Variants in KCNH8 observed in about 807,000 individuals in gnomAD.
KCNH8 encodes the protein voltage-gated delayed rectifier potassium channel KCNH8.
In KCNH8, 70 loss-of-function variants were observed where a neutral mutation model predicts 103.6. The observed-to-expected ratio is 0.68, with a 90% CI of 0.56 to 0.82. KCNH8 has a LOEUF of 0.82. Among genes scored for constraint, KCNH8 ranks in the 40% least tolerant of loss-of-function variants. The pLI is 0.00. For missense variants in KCNH8, 1,217 were observed against 1,329.9 expected, an observed-to-expected ratio of 0.92 and a Z score of 1.32; for synonymous variants, 498 against 489.4, an observed-to-expected ratio of 1.02 and a Z score of -0.23.
intron 11 of KCNH8, among the ~76,000 whole-genome samples, chr3:19,492,715 G>C (rs1218141149): frequency 6.6e-6 from 1 of 151,928 alleles, no homozygotes; most frequent in Non-Finnish European, 1.5e-5. Context: ...CTCATTTTTT[G>C]AAGAATGATA....
At chr3:19,207,466 A>G (rs1331495853) in intron 1 of KCNH8, among the ~76,000 whole-genome samples, 2 of 152,000 alleles carry the variant, frequency 1.3e-5, no homozygotes, top group Non-Finnish European at 2.9e-5. Flanking sequence ...CTCTTTTAAG[A>G]AAATAAAGTG....
At chr3:19,515,679 A>C (rs76544646) in intron 14 of KCNH8, among the ~76,000 whole-genome samples, 2,737 of 152,128 alleles carry the variant, frequency 0.018, 76 homozygotes, top group African/African-American at 0.061. Context: ...ATATGCCAGG[A>C]GACTCAAATT....
At chr3:19,331,859 G>A (rs2065515227) in intron 3 of KCNH8, among the ~76,000 whole-genome samples, 1 of 151,958 alleles carries the variant, frequency 6.6e-6, no homozygotes, top group African/African-American at 2.4e-5. Context: ...AACTATATTT[G>A]TGTACCACGG....
In KCNH8 at chr3:19,353,154, G is replaced by A. The variant is rs949517181; in HGVS notation, c.811+5189G>A. On this transcript the variant is annotated intron_variant, in intron 5 of 15. Coordinates refer to ENST00000328405, the MANE Select transcript of KCNH8 (RefSeq NM_144633.3). Reference sequence around the variant, plus strand: ...TCTAGAAGAAATGGATAAATTCCTCGACACATACACCCTCCCAAGGCTAAA... The same window carrying A: ...TCTAGAAGAAATGGATAAATTCCTCAACACATACACCCTCCCAAGGCTAAA... Among the ~76,000 whole-genome samples, 5 of 151,974 alleles carry A rather than the reference G, an allele frequency of 3.3e-5. No individual in the cohort carries two copies. In the East Asian group the frequency reaches 5.8e-4, roughly 18 times the overall value.
intron 2 of KCNH8, among the ~76,000 whole-genome samples, chr3:19,258,976 T>TCC (rs2064390429): frequency 7.2e-6 from 1 of 137,934 alleles, no homozygotes; most frequent in Non-Finnish European, 1.6e-5. Flanking sequence ...TATATATATA[T>TCC]ATATATCTGG....
chr3:19,503,895 T>C (rs907739468), intron 11 of KCNH8, among the ~76,000 whole-genome samples: 1 of 151,946 alleles, frequency 6.6e-6, no homozygotes, highest in Non-Finnish European at 1.5e-5. Context: ...AACCTGCACA[T>C]TGTGCACAGG....
chr3:19,225,241 C>G (rs2063917407), intron 1 of KCNH8, among the ~76,000 whole-genome samples: 1 of 150,996 alleles, frequency 6.6e-6, no homozygotes, highest in African/African-American at 2.4e-5. Context: ...CCACAAAAAT[C>G]AGAACTCTAT....
chr3:19,518,017 T>C lies in KCNH8; in HGVS notation c.2562T>C (p.Ala854=). The C allele has an allele frequency of 6.2e-7, 1 of 1,612,350 alleles. No homozygotes were observed. The highest frequency in any genetic ancestry group is 8.5e-7 in the Non-Finnish European group (1 of 1,178,842). The change falls in exon 15 of 16, where the codon GCT becomes GCC. Residue 854 remains alanine, a synonymous_variant. Transcript: ENST00000328405. ...TTTCAGATCCAGAGATTGGAGCTGC[T>C]GTTCTCTTCATCAAAGCAGAGGAGA... ...PPLGDPEIGA[A]VLFIKAEETK...
In KCNH8 at chr3:19,533,346, C is replaced by T. The variant is rs967363604; in HGVS notation, c.2620-49C>T. The T allele has an allele frequency of 3.4e-6, 4 of 1,174,900 alleles. No homozygotes were observed. The Admixed American group carries it at 6.8e-5, about 20-fold the overall frequency. The allele number at this position is 1,174,900 out of a possible 1,614,324, so 72.8% of individuals were successfully genotyped here. ...GCTTCATTTCTCTGAAATGTGGTCA[C>T]TACTATGCACCTCTAACTATTGTCT... On this transcript the variant is annotated intron_variant, in intron 15 of 15. Coordinates refer to ENST00000328405, the MANE Select transcript of KCNH8 (RefSeq NM_144633.3).
At chr3:19,508,423 C>A (rs573826506) in intron 11 of KCNH8, among the ~76,000 whole-genome samples, 2 of 152,216 alleles carry the variant, frequency 1.3e-5, no homozygotes, top group African/African-American at 4.8e-5. Flanking sequence ...TCTGCTTAGT[C>A]AGTTATTACT....
At chr3:19,201,081 A>C (rs570683708) in intron 1 of KCNH8, among the ~76,000 whole-genome samples, 3 of 151,222 alleles carry the variant, frequency 2.0e-5, no homozygotes, top group African/African-American at 7.3e-5. Context: ...AAAATACAAA[A>C]ATTAGCTGGA....
At chr3:19,523,673 T>C (rs2069011677) in intron 15 of KCNH8, among the ~76,000 whole-genome samples, 1 of 151,920 alleles carries the variant, frequency 6.6e-6, no homozygotes, top group Admixed American at 6.6e-5. Flanking sequence ...CAGAACTAAT[T>C]CCATGGGCAC....
chr3:19,209,885 TA>T (rs1282428298), intron 1 of KCNH8, among the ~76,000 whole-genome samples: 2 of 152,058 alleles, frequency 1.3e-5, no homozygotes, highest in African/African-American at 4.8e-5. Context: ...GTGTAATGTG[TA>T]GTCCCTAGGT....
intron 5 of KCNH8, among the ~76,000 whole-genome samples, chr3:19,381,096 G>C (rs1029086267): frequency 9.9e-5 from 15 of 152,134 alleles, no homozygotes; most frequent in African/African-American, 3.6e-4. Flanking sequence ...AAATATATTA[G>C]TTATGTTTTG....
rs2068724904 is a variant in KCNH8 at position 19,507,968 on chromosome 3, G to C, written c.2041-2395G>C. 2.6e-5 allele frequency among the ~76,000 whole-genome samples: 4 copies of C among 152,144 alleles called. No homozygotes were observed. In the South Asian group the frequency reaches 8.3e-4, roughly 32 times the overall value. ...CTAATCTGGGTTATTATCATGAAGG[G>C]AAGTTGATTTTATTTGCATCTATTG... is the stretch of plus-strand genomic sequence containing the variant. On this transcript the variant is annotated intron_variant, in intron 11 of 15. Coordinates refer to ENST00000328405, the MANE Select transcript of KCNH8 (RefSeq NM_144633.3).
At chr3:19,302,777 C>T (rs557359733) in intron 3 of KCNH8, among the ~76,000 whole-genome samples, 5 of 152,114 alleles carry the variant, frequency 3.3e-5, no homozygotes, top group Non-Finnish European at 7.4e-5. Flanking sequence ...GAAGTTCATT[C>T]TATTTCTCTT....
intron 3 of KCNH8, among the ~76,000 whole-genome samples, chr3:19,329,601 G>C (rs2065477139): frequency 6.6e-6 from 1 of 152,028 alleles, no homozygotes; most frequent in African/African-American, 2.4e-5. Context: ...CTTTAGGAGG[G>C]TAAAACTTTG....
At chr3:19,302,071 A>G (rs1462603971) in intron 3 of KCNH8, among the ~76,000 whole-genome samples, 6 of 152,124 alleles carry the variant, frequency 3.9e-5, no homozygotes, top group African/African-American at 1.4e-4. Context: ...TCCGTTATGT[A>G]ACTATGATTG....
At chr3:19,388,056 T>A (rs1259729483) in intron 5 of KCNH8, among the ~76,000 whole-genome samples, 1 of 152,124 alleles carries the variant, frequency 6.6e-6, no homozygotes, top group African/African-American at 2.4e-5. Context: ...TCATTCATTC[T>A]TCCATTCATG....
Sources: allele counts gnomAD v4.1 joint callset (sites outside exome capture counted in the v4.1 genomes callset), GRCh38; gene constraint gnomAD v4.1.1; transcripts MANE v1.5; gene names NCBI Gene and HGNC (gene_info 2026-07-23, HGNC 2026-07-21).